Variants in AGPAT4 observed in about 807,000 individuals in gnomAD.
AGPAT4 encodes the protein 1-acylglycerol-3-phosphate O-acyltransferase 4, also known as 1-acyl-sn-glycerol-3-phosphate acyltransferase delta.
AGPAT4 carries 15 observed loss-of-function variants against 48.0 expected under a neutral mutation model. The observed-to-expected ratio is 0.31, with a 90% CI of 0.21 to 0.48. The LOEUF is 0.48. AGPAT4 is among the 20% of genes least tolerant of loss of function. The pLI, the probability that AGPAT4 is intolerant of heterozygous loss-of-function variation, is 0.99. For synonymous variants in AGPAT4, 178 were observed against 198.7 expected (o/e 0.90, Z 0.88); for missense variants, 314 against 482.5 (o/e 0.65, Z 3.27).
intron 2 of AGPAT4, among the ~76,000 whole-genome samples, chr6:161,191,474 C>G (rs751239200): frequency 2.0e-5 from 3 of 152,188 alleles, no homozygotes; most frequent in Non-Finnish European, 4.4e-5. Context: ...CCACCTGCCC[C>G]ACCATGGCCC....
chr6:161,188,068 A>C (rs1583314263), intron 2 of AGPAT4, among the ~76,000 whole-genome samples: 1 of 152,328 alleles, frequency 6.6e-6, no homozygotes, highest in East Asian at 1.9e-4. Context: ...ATGCAGTTTT[A>C]ATATGTACAA....
chr6:161,181,831 TC>T (rs1187503547), intron 2 of AGPAT4, among the ~76,000 whole-genome samples: 3 of 151,978 alleles, frequency 2.0e-5, no homozygotes, highest in Non-Finnish European at 2.9e-5. Context: ...TTGAAAGCCA[TC>T]AGGATTATAT....
chr6:161,226,496 GA>G lies in AGPAT4; in HGVS notation c.178+5539del, dbSNP rs1371405593. ...GGGGGATCAACAGCTTTCTTATCGA[GA>G]ACACCACAGACTTCCCTTGTATTTT... is the stretch of plus-strand genomic sequence containing the variant. On this transcript the variant is annotated intron_variant, in intron 2 of 8. Coordinates refer to ENST00000320285, the MANE Select transcript of AGPAT4 (RefSeq NM_020133.3). This position sits in a 1 kb window ranked among gnomAD's most constrained non-coding sequence, Gnocchi z 6.3. 6.6e-6 allele frequency among the ~76,000 whole-genome samples: 1 copy of G among 152,136 alleles called. No homozygotes were observed. Among genetic ancestry groups the G allele is most frequent in the Non-Finnish European group, 1.5e-5 (1 of 68,022 alleles).
In AGPAT4 at chr6:161,136,716, C is replaced by T. The variant is rs532064241; in HGVS notation, c.1043-82G>A. The T allele has an allele frequency of 2.2e-5, 27 of 1,227,078 alleles. No individual in the cohort carries two copies. In the African/African-American group the frequency reaches 2.5e-4, roughly 11 times the overall value. 76.0% of individuals were successfully genotyped at this position (1,227,078 alleles called of 1,614,324 possible). On this transcript the variant is annotated intron_variant, in intron 8 of 8. Transcript: ENST00000320285. ...TTCCCACAGAGCAAGTGAGAAGGCC[C>T]GTGGCCGCAAATCACAAGCGCCAGC...
Position 161,204,139 on chromosome 6 carries a change from A to T in AGPAT4, c.178+27897T>A, listed in dbSNP as rs1345706738. 6.7e-6 allele frequency among the ~76,000 whole-genome samples: 1 copy of T among 148,608 alleles called. No individual in the cohort carries two copies. The highest frequency in any genetic ancestry group is 2.6e-5 in the African/African-American group (1 of 38,048). On this transcript the variant is annotated intron_variant, in intron 2 of 8. Coordinates refer to ENST00000320285, the MANE Select transcript of AGPAT4 (RefSeq NM_020133.3). This position sits in a 1 kb window ranked among gnomAD's most constrained non-coding sequence, Gnocchi z 4.4. ...AACACATACTCAGGAATGTGTGCTT[A>T]AAAAAACTTAAATTTTTCTCAGTTG... is the stretch of plus-strand genomic sequence containing the variant.
rs566683708 is a variant in AGPAT4 at position 161,211,876 on chromosome 6, C to T, written c.178+20160G>A. The stretch of plus-strand genomic sequence containing the variant: ...CCATCTTCAGGTCCTGTAGAAGATG[C>T]CAATCAAAATAAACTACATTCCTGA... On this transcript the variant is annotated intron_variant, in intron 2 of 8. Coordinates refer to ENST00000320285, the MANE Select transcript of AGPAT4 (RefSeq NM_020133.3). Among the ~76,000 whole-genome samples, 24 of 152,130 alleles carry T rather than the reference C, an allele frequency of 1.6e-4. No homozygotes were observed. In the South Asian group the frequency reaches 4.8e-3, roughly 30 times the overall value.
At position 161,142,420 on chromosome 6, in the gene AGPAT4, A is replaced by G. The variant is rs1375123255; in HGVS notation, c.844-2800T>C. On this transcript the variant is annotated intron_variant, in intron 7 of 8. Coordinates refer to ENST00000320285, the MANE Select transcript of AGPAT4 (RefSeq NM_020133.3). The surrounding 1 kb of genome is among the most constrained non-coding windows in gnomAD (Gnocchi z 6.4). ...GTGTGTTACCGTGTGGCATAGTATA[A>G]AGTTGGAACTGGGAAATGTAGTTAT... 6.6e-6 allele frequency among the ~76,000 whole-genome samples: 1 copy of G among 152,152 alleles called. No homozygotes were observed. Among genetic ancestry groups the G allele is most frequent in the Non-Finnish European group, 1.5e-5 (1 of 68,024 alleles).
At position 161,188,799 on chromosome 6, in the gene AGPAT4, G is replaced by A. The variant is rs144929902; in HGVS notation, c.179-22382C>T. Among the ~76,000 whole-genome samples, 193 of 152,262 alleles carry A rather than the reference G, an allele frequency of 1.3e-3. 1 individual carries two copies. Among genetic ancestry groups the A allele is most frequent in the African/African-American group, 4.3e-3 (179 of 41,544 alleles). On this transcript the variant is annotated intron_variant, in intron 2 of 8. Coordinates refer to ENST00000320285, the MANE Select transcript of AGPAT4 (RefSeq NM_020133.3). Reference sequence around the variant, plus strand: ...GGCACCTCTGGGTTGAGCAGCCAGCGGCCGTCGAATGGGGCTTCCGTAAAC... The same window carrying A: ...GGCACCTCTGGGTTGAGCAGCCAGCAGCCGTCGAATGGGGCTTCCGTAAAC...
rs1214484043 is a variant in AGPAT4 at position 161,169,476 on chromosome 6, C to CT, written c.179-3060dup. On this transcript the variant is annotated intron_variant, in intron 2 of 8. Transcript: ENST00000320285. This position sits in a 1 kb window ranked among gnomAD's most constrained non-coding sequence, Gnocchi z 5.0. ...ATTTCCCTTTTTTGTTTTTTCCTTT[C>CT]TTTTTTTTGAGATGGTGTGTCACTC... Among the ~76,000 whole-genome samples, 3 of 151,788 alleles carry CT rather than the reference C, an allele frequency of 2.0e-5. No individual in the cohort carries two copies. The highest frequency in any genetic ancestry group is 2.9e-5 in the Non-Finnish European group (2 of 67,906).
At chr6:161,271,387 C>T (rs548840723) in intron 1 of AGPAT4, among the ~76,000 whole-genome samples, 4 of 152,346 alleles carry the variant, frequency 2.6e-5, no homozygotes, top group Non-Finnish European at 5.9e-5. Context: ...CCCCTTCCTT[C>T]CAGCTGGGTG....
chr6:161,207,568 C>G (rs1311199067), intron 2 of AGPAT4, among the ~76,000 whole-genome samples: 3 of 152,190 alleles, frequency 2.0e-5, no homozygotes, highest in African/African-American at 7.2e-5. Flanking sequence ...AGCTGGAGCC[C>G]TAGACAGAGA....
At position 161,154,341 on chromosome 6, in the gene AGPAT4, T is replaced by A. The variant is rs981226290; in HGVS notation, c.349-31A>T. On this transcript the variant is annotated intron_variant, in intron 3 of 8. Coordinates refer to ENST00000320285, the MANE Select transcript of AGPAT4 (RefSeq NM_020133.3). This position sits in a 1 kb window ranked among gnomAD's most constrained non-coding sequence, Gnocchi z 7.8. Reference sequence around the variant, plus strand: ...ACAGAAGAAGGAGCCCAGGTGCCCATGAAGGAGACGTCAGAGCCACCTGCC... The same window carrying A: ...ACAGAAGAAGGAGCCCAGGTGCCCAAGAAGGAGACGTCAGAGCCACCTGCC... The A allele has an allele frequency of 1.2e-6, 2 of 1,612,984 alleles. No homozygotes were observed. The highest frequency in any genetic ancestry group is 8.5e-7 in the Non-Finnish European group (1 of 1,179,552).
intron 2 of AGPAT4, among the ~76,000 whole-genome samples, chr6:161,170,191 G>A (rs914620050): frequency 9.9e-5 from 15 of 152,036 alleles, no homozygotes; most frequent in Admixed American, 3.3e-4. Flanking sequence ...CTTCCTGACC[G>A]CCTGCCCTGT....
rs1384323655 is a variant in AGPAT4, at chr6:161,180,771, C to T, written c.179-14354G>A. Among the ~76,000 whole-genome samples, 2 of 152,096 alleles carry T rather than the reference C, an allele frequency of 1.3e-5. No homozygotes were observed. Among genetic ancestry groups the T allele is most frequent in the East Asian group, 3.9e-4 (2 of 5,176 alleles). On this transcript the variant is annotated intron_variant, in intron 2 of 8. Coordinates refer to ENST00000320285, the MANE Select transcript of AGPAT4 (RefSeq NM_020133.3). This position sits in a 1 kb window ranked among gnomAD's most constrained non-coding sequence, Gnocchi z 6.4. Reference sequence around the variant, plus strand: ...TCATAAGGAGGCTTGGGAGACAGGACGGTGCCTTCACACTCACAACACCCT... The same window carrying T: ...TCATAAGGAGGCTTGGGAGACAGGATGGTGCCTTCACACTCACAACACCCT...
rs2115049769 is a variant in AGPAT4, at chr6:161,247,865, C to A, written c.-89-15563G>T. On this transcript the variant is annotated intron_variant, in intron 1 of 8. Coordinates refer to ENST00000320285, the MANE Select transcript of AGPAT4 (RefSeq NM_020133.3). ...GGTGTGGTGGCACATGTCTGTAATC[C>A]CAGCTACTCAGAAGGCTGAGGCAGG... Among the ~76,000 whole-genome samples, 3 of 151,564 alleles carry A rather than the reference C, an allele frequency of 2.0e-5. No individual in the cohort carries two copies. The Middle Eastern group carries it at 0.01, about 519-fold the overall frequency.
In AGPAT4 at chr6:161,158,348, T is replaced by C. The variant is rs563324320; in HGVS notation, c.349-4038A>G. ...AGAGAGAATGTACAAGAAAATATAC[T>C]AATTTCATCAATTCTGGATTTATTT... On this transcript the variant is annotated intron_variant, in intron 3 of 8. Transcript: ENST00000320285. This position sits in a 1 kb window ranked among gnomAD's most constrained non-coding sequence, Gnocchi z 5.3. Among the ~76,000 whole-genome samples, 1 of 152,350 alleles carries C rather than the reference T, an allele frequency of 6.6e-6. No individual in the cohort carries two copies. The highest frequency in any genetic ancestry group is 2.4e-5 in the African/African-American group (1 of 41,580).
Position 161,229,764 on chromosome 6 carries a change from C to T in AGPAT4, c.178+2272G>A, listed in dbSNP as rs954340035. Among the ~76,000 whole-genome samples the T allele has an allele frequency of 9.2e-5, 14 of 152,244 alleles. No individual in the cohort carries two copies. The highest frequency in any genetic ancestry group is 3.4e-4 in the African/African-American group (14 of 41,536). ...TCTAGAGGGAGGAATCTTCCCTTCC[C>T]GCTTCGGATTGTTTAAAAATGCTTC... On this transcript the variant is annotated intron_variant, in intron 2 of 8. Coordinates refer to ENST00000320285, the MANE Select transcript of AGPAT4 (RefSeq NM_020133.3). The surrounding 1 kb of genome is among the most constrained non-coding windows in gnomAD (Gnocchi z 6.0).
In AGPAT4 at chr6:161,249,136, C is replaced by A. The variant is rs934128279; in HGVS notation, c.-89-16834G>T. Among the ~76,000 whole-genome samples, 3 of 152,164 alleles carry A rather than the reference C, an allele frequency of 2.0e-5. No homozygotes were observed. Among genetic ancestry groups the A allele is most frequent in the Non-Finnish European group, 4.4e-5 (3 of 68,032 alleles). ...ATATGCAGAAGATTGAAACTGGACA[C>A]CTTCCTTATGCCATATACAAAAATT... is the stretch of plus-strand genomic sequence containing the variant. On this transcript the variant is annotated intron_variant, in intron 1 of 8. Transcript: ENST00000320285. The surrounding 1 kb of genome is among the most constrained non-coding windows in gnomAD (Gnocchi z 6.2).
At position 161,231,985 on chromosome 6, in the gene AGPAT4, G is replaced by T; in HGVS notation, c.178+51C>A. Reference sequence around the variant, plus strand: ...AATCCATATCAAGAGCCATAATTCTGATACACACATCCACAATGGAGACGA... The same window carrying T: ...AATCCATATCAAGAGCCATAATTCTTATACACACATCCACAATGGAGACGA... On this transcript the variant is annotated intron_variant, in intron 2 of 8. Transcript: ENST00000320285. The surrounding 1 kb of genome is among the most constrained non-coding windows in gnomAD (Gnocchi z 5.3). The T allele has an allele frequency of 6.4e-7, 1 of 1,559,614 alleles. No homozygotes were observed. The highest frequency in any genetic ancestry group is 1.2e-5 in the South Asian group (1 of 86,090).
Sources: gnomAD v4.1 joint callset for allele counts (sites outside exome capture counted in the v4.1 genomes callset) on GRCh38, gnomAD v4.1.1 for gene constraint, Gnocchi (gnomAD v3.1) non-coding constraint, MANE v1.5 for transcripts, NCBI Gene and HGNC (gene_info 2026-07-23, HGNC 2026-07-21) for gene names.